The following LSMEM2 variants were observed in gnomAD, a reference collection of about 807,000 sequenced individuals.
LSMEM2 encodes leucine rich single-pass membrane protein 2.
In LSMEM2, 20 loss-of-function variants were observed where a neutral mutation model predicts 17.3. That is an observed-to-expected ratio of 1.16 (90% confidence interval 0.81 to 1.68). The LOEUF (loss-of-function observed/expected upper bound fraction) is 1.68. Ranked by LOEUF, LSMEM2 falls within the 40% of genes most tolerant of loss-of-function variation. LSMEM2 has a pLI of 0.00. For missense variants in LSMEM2, 207 were observed against 214.3 expected (o/e 0.97, Z 0.21); for synonymous variants, 94 against 97.8 (o/e 0.96, Z 0.23).
chr3:50,281,360 C>CTTTT (rs1221742314), intron 1 of LSMEM2, among the ~76,000 whole-genome samples: 1 of 103,264 alleles, frequency 9.7e-6, no homozygotes, highest in Non-Finnish European at 1.9e-5. Context: ...GCGCCCGGCC[C>CTTTT]TTTTTTTTTT....
At chr3:50,283,626 CAAA>C (rs782534727) in intron 1 of LSMEM2, among the ~76,000 whole-genome samples, 6 of 53,600 alleles carry the variant, frequency 1.1e-4, no homozygotes, top group Admixed American at 2.2e-4. Flanking sequence ...GACTCCATCT[CAAA>C]AAAAAAAAAA....
intron 1 of LSMEM2, 127 bp from the exon 2 acceptor site, chr3:50,286,344 T>G (rs1053395039): frequency 8.7e-6 from 12 of 1,372,460 alleles, no homozygotes; most frequent in African/African-American, 2.9e-5. Context: ...TGAGTCAGTT[T>G]TAGGGGATTT....
At chr3:50,282,136 GCCA>G (rs1701414965) in intron 1 of LSMEM2, among the ~76,000 whole-genome samples, 1 of 152,022 alleles carries the variant, frequency 6.6e-6, no homozygotes, top group South Asian at 2.1e-4. Context: ...ACAGGTGTGA[GCCA>G]CCATGCCCGG....
chr3:50,283,077 C>T (rs965530197), intron 1 of LSMEM2, among the ~76,000 whole-genome samples: 1 of 151,840 alleles, frequency 6.6e-6, no homozygotes, highest in African/African-American at 2.4e-5. Context: ...TCCAGCCACT[C>T]GGGAGGCTAA....
intron 1 of LSMEM2, among the ~76,000 whole-genome samples, chr3:50,280,476 C>T (rs1269938256): frequency 1.3e-5 from 2 of 152,036 alleles, no homozygotes; most frequent in East Asian, 3.9e-4. Context: ...GGAGAGGGGC[C>T]TTGCCCCTGG....
At chr3:50,278,870 C>T (rs781866508), upstream of LSMEM2, among the ~76,000 whole-genome samples, 7 of 152,164 alleles carry the variant, frequency 4.6e-5, no homozygotes, top group Non-Finnish European at 7.3e-5. Flanking sequence ...TGTGCTTCCC[C>T]TTGAAGGTCC....
upstream of LSMEM2, chr3:50,278,950 C>A: frequency 1.4e-6 from 1 of 696,948 alleles, no homozygotes. Context: ...TCAGGCTGGC[C>A]CACGTGGATC....
chr3:50,280,189 T>TTTTTTTC (rs1701360275), intron 1 of LSMEM2, among the ~76,000 whole-genome samples: 1 of 131,060 alleles, frequency 7.6e-6, no homozygotes, highest in Non-Finnish European at 1.7e-5. Flanking sequence ...TTTTTTTTTT[T>TTTTTTTC]TGTCACCCAG....
chr3:50,285,658 C>CA (rs1165399115), intron 1 of LSMEM2, among the ~76,000 whole-genome samples: 1 of 151,758 alleles, frequency 6.6e-6, no homozygotes, highest in African/African-American at 2.4e-5. Flanking sequence ...AACAAACAAA[C>CA]AAAAATCCCT....
At chr3:50,279,316 C>G in intron 1 of LSMEM2, 145 bp downstream of exon 1, 1 of 755,566 alleles carries the variant, frequency 1.3e-6, no homozygotes, top group Non-Finnish European at 2.3e-6. Context: ...GTAAAAGGAC[C>G]TGCCCCCTGT....
intron 1 of LSMEM2, among the ~76,000 whole-genome samples, chr3:50,281,457 G>A (rs1418627804): frequency 6.7e-6 from 1 of 149,064 alleles, no homozygotes; most frequent in East Asian, 2.0e-4. Context: ...CTGCCTCCCA[G>A]GTTCAAGTGA....
intron 1 of LSMEM2, among the ~76,000 whole-genome samples, chr3:50,285,382 T>A (rs1701492687): frequency 6.6e-6 from 1 of 150,964 alleles, no homozygotes; most frequent in Admixed American, 6.6e-5. Context: ...CTCATGCCTG[T>A]AAATGCCAGG....
intron 1 of LSMEM2, among the ~76,000 whole-genome samples, chr3:50,285,060 C>T (rs1386802955): frequency 2.7e-5 from 4 of 150,606 alleles, no homozygotes; most frequent in African/African-American, 7.4e-5. Flanking sequence ...AGGCCGGGCA[C>T]GGTGGCTCAC....
At position 50,286,601 on chromosome 3, in the gene LSMEM2, G is replaced by A. The variant is rs1553708517; in HGVS notation, c.172+17G>A. 5 of 1,611,460 alleles carry A rather than the reference G, an allele frequency of 3.1e-6. No homozygotes were observed. Among genetic ancestry groups the A allele is most frequent in the Non-Finnish European group, 3.4e-6 (4 of 1,178,696 alleles). The stretch of plus-strand genomic sequence containing the variant: ...ATAGTGGAGGTGAGTGGGGACAGTG[G>A]GGTGGATGATGTGCTGGGGGAGGGG... On this transcript the variant is annotated intron_variant, in intron 2 of 3. Coordinates refer to ENST00000316436, the MANE Select transcript of LSMEM2 (RefSeq NM_153215.3).
At position 50,287,138 on chromosome 3, in the gene LSMEM2, T is replaced by C; in HGVS notation, c.431T>C (p.Leu144Pro). 6.2e-7 allele frequency: 1 copy of C among 1,613,830 alleles called. No homozygotes were observed. Among genetic ancestry groups the C allele is most frequent in the Middle Eastern group, 1.6e-4 (1 of 6,062 alleles). ...LRTQEETLLK[L>P]RLASLSQLRR... ...ACGCAGGAGGAGACACTACTCAAACTCCGCTTGGCCAGCCTCAGCCAGCTT... is the reference window on the plus strand; with the variant it reads ...ACGCAGGAGGAGACACTACTCAAACCCCGCTTGGCCAGCCTCAGCCAGCTT... The change falls in exon 4 of 4, where the codon CTC becomes CCC. Residue 144 changes from leucine to proline, a missense_variant. By Grantham distance (98) the Leu-to-Pro change is moderately conservative. Transcript: ENST00000316436.
At position 50,287,352 on chromosome 3, in the gene LSMEM2, G is replaced by A; in HGVS notation, c.*150G>A. The A allele has an allele frequency of 9.6e-7, 1 of 1,042,376 alleles. No individual in the cohort carries two copies. Among genetic ancestry groups the A allele is most frequent in the Non-Finnish European group, 1.4e-6 (1 of 716,344 alleles). 64.6% of individuals were successfully genotyped at this position (1,042,376 alleles called of 1,614,324 possible). A position where few individuals can be genotyped will look rare whatever the true frequency, so the allele number is the denominator to read the frequency against. ...ACAAGAACCTGTTGTTAACTTAATG[G>A]CTGCCTCCCTCTCCTGATCTCTTCA... On this transcript the variant is annotated 3_prime_UTR_variant, in exon 4 of 4. Coordinates refer to ENST00000316436, the MANE Select transcript of LSMEM2 (RefSeq NM_153215.3).
At position 50,287,052 on chromosome 3, in the gene LSMEM2, C is replaced by T. The variant is rs1701564782; in HGVS notation, c.362-17C>T. Reference sequence around the variant, plus strand: ...GGGTGGCACATGGTCTGATGATCCCCCACTTCCCATTCACAGTGCTGCAGA... The same window carrying T: ...GGGTGGCACATGGTCTGATGATCCCTCACTTCCCATTCACAGTGCTGCAGA... On this transcript the variant is annotated splice_polypyrimidine_tract_variant and intron_variant, in intron 3 of 3. Coordinates refer to ENST00000316436, the MANE Select transcript of LSMEM2 (RefSeq NM_153215.3). 1 of 1,613,596 alleles carries T rather than the reference C, an allele frequency of 6.2e-7. No individual in the cohort carries two copies.
At chr3:50,283,289 C>A (rs1332401468) in intron 1 of LSMEM2, among the ~76,000 whole-genome samples, 1 of 151,768 alleles carries the variant, frequency 6.6e-6, no homozygotes, top group African/African-American at 2.4e-5. Context: ...GTCAGGAGTT[C>A]AAGACCAGCC....
chr3:50,286,946 C>G (rs1265216102), intron 3 of LSMEM2, 84 bp downstream of exon 3: 3 of 1,583,754 alleles, frequency 1.9e-6, no homozygotes, highest in Non-Finnish European at 2.6e-6. Context: ...GAAGGAGTAA[C>G]TGCAGATGCT....
Sources: gnomAD v4.1 joint callset for allele counts (sites outside exome capture counted in the v4.1 genomes callset) on GRCh38, gnomAD v4.1.1 for gene constraint, MANE v1.5 for transcripts, NCBI Gene and HGNC (gene_info 2026-07-23, HGNC 2026-07-21) for gene names.